UNC13C: variants seen among roughly 807,000 people sequenced by gnomAD.
UNC13C encodes unc-13 homolog C.
A neutral mutation model predicts 245.4 loss-of-function variants in UNC13C; 174 were observed. That is an observed-to-expected ratio of 0.71 (90% CI 0.63 to 0.80). The LOEUF is 0.80. UNC13C is among the 30% of genes least tolerant of loss of function. The pLI, the probability that UNC13C is intolerant of heterozygous loss-of-function variation, is 0.00. For synonymous variants in UNC13C, 992 were observed against 895.1 expected (o/e 1.11, Z -1.93); for missense variants, 2,829 against 2,602.9 (o/e 1.09, Z -1.89).
the UNC13C span, among the ~76,000 whole-genome samples, chr15:53,918,006 G>A: frequency 1.3e-5 from 2 of 152,150 alleles, no homozygotes; most frequent in Non-Finnish European, 2.9e-5. Flanking sequence ...CGGGCACGGG[G>A]GGTAGCAGTT....
At chr15:54,064,970 T>G (rs180741138) in intron 2 of UNC13C, among the ~76,000 whole-genome samples, 2 of 152,372 alleles carry the variant, frequency 1.3e-5, no homozygotes, top group Admixed American at 6.5e-5. Flanking sequence ...TTCTAGCTGA[T>G]GAATATTACT....
At chr15:53,961,900 A>C in the UNC13C span, among the ~76,000 whole-genome samples, 1 of 152,232 alleles carries the variant, frequency 6.6e-6, no homozygotes. Context: ...AAAAGAAGGC[A>C]GAGAAATTAC....
Position 54,088,201 on chromosome 15 carries a change from CTTTTTTTTT to C in UNC13C, c.2984-54799_2984-54791del, listed in dbSNP as rs59075201. On this transcript the variant is annotated intron_variant, in intron 2 of 32. Coordinates refer to ENST00000260323, the MANE Select transcript of UNC13C (RefSeq NM_001080534.3). Reference sequence around the variant, plus strand: ...AGAAGCAGCCATGGGCTTCCTTTTCCTTTTTTTTTTTTTTTTTTTTTTTTTTACCCCCTC... The same window carrying C: ...AGAAGCAGCCATGGGCTTCCTTTTCCTTTTTTTTTTTTTTTTTACCCCCTC... Among the ~76,000 whole-genome samples the C allele has an allele frequency of 5.6e-3, 587 of 103,932 alleles. 7 individuals are homozygous for C. The highest frequency in any genetic ancestry group is 0.019 in the African/African-American group (523 of 27,470). 68.2% of individuals were successfully genotyped at this position (103,932 alleles called of 152,430 possible).
At chr15:54,570,493 T>G (rs62023987) in intron 30 of UNC13C, among the ~76,000 whole-genome samples, 8,342 of 152,240 alleles carry the variant, frequency 0.055, 359 homozygotes, top group Admixed American at 0.13. Context: ...GGAGGGACAA[T>G]GCTATGGCTT....
In UNC13C at chr15:54,418,839, T is replaced by C. The variant is rs144068145; in HGVS notation, c.4933+3772T>C. The stretch of plus-strand genomic sequence containing the variant: ...ATTCTTGCCTCCTTTCATCTTTACA[T>C]TGAAGGAAAGCATCAGTGTTAATAC... On this transcript the variant is annotated intron_variant, in intron 19 of 32. Transcript: ENST00000260323. Among the ~76,000 whole-genome samples the C allele has an allele frequency of 1.9e-3, 287 of 152,272 alleles. 1 individual carries two copies. The highest frequency in any genetic ancestry group is 3.7e-3 in the Non-Finnish European group (251 of 68,016).
At chr15:54,223,651 T>C (rs1261921728) in intron 4 of UNC13C, among the ~76,000 whole-genome samples, 1 of 152,078 alleles carries the variant, frequency 6.6e-6, no homozygotes, top group Non-Finnish European at 1.5e-5. Context: ...TTAGGATTTT[T>C]TATTCTTTTT....
intron 8 of UNC13C, among the ~76,000 whole-genome samples, chr15:54,252,920 A>G (rs968793991): frequency 6.6e-6 from 1 of 152,208 alleles, no homozygotes; most frequent in African/African-American, 2.4e-5. Context: ...TAAGCCAAGG[A>G]GTCTTTCCTT....
chr15:54,297,589 A>G (rs1436646489), intron 11 of UNC13C, among the ~76,000 whole-genome samples: 3 of 152,198 alleles, frequency 2.0e-5, no homozygotes, highest in African/African-American at 7.2e-5. Flanking sequence ...CCTAGCATTA[A>G]GTGGTCCTCC....
chr15:54,475,689 T>G (rs1418983427), intron 19 of UNC13C, among the ~76,000 whole-genome samples: 1 of 146,180 alleles, frequency 6.8e-6, no homozygotes, highest in Non-Finnish European at 1.5e-5. Flanking sequence ...TGCCACATTT[T>G]CTTAATCCAG....
At chr15:54,329,304 T>C (rs2038380164) in intron 14 of UNC13C, among the ~76,000 whole-genome samples, 1 of 152,018 alleles carries the variant, frequency 6.6e-6, no homozygotes, top group Non-Finnish European at 1.5e-5. Context: ...TCCACTCTTT[T>C]AGTTATTTTG....
chr15:53,857,608 G>C, the UNC13C span, among the ~76,000 whole-genome samples: 13 of 152,148 alleles, frequency 8.5e-5, no homozygotes. Context: ...GACCCTAAGT[G>C]ACCTCTGTGT....
chr15:54,492,074 C>CAT (rs1299234942), intron 19 of UNC13C, among the ~76,000 whole-genome samples: 5 of 151,576 alleles, frequency 3.3e-5, no homozygotes, highest in African/African-American at 1.2e-4. Flanking sequence ...TTTTTCTACT[C>CAT]ATATATTTTC....
chr15:54,291,775 G>T (rs982825069), intron 10 of UNC13C, among the ~76,000 whole-genome samples: 5 of 151,940 alleles, frequency 3.3e-5, no homozygotes, highest in South Asian at 2.1e-4. Flanking sequence ...TCACTTTTAT[G>T]TAAAATAATT....
At chr15:54,538,121 T>TA (rs1390307497) in intron 26 of UNC13C, among the ~76,000 whole-genome samples, 1 of 16,538 alleles carries the variant, frequency 6.0e-5, no homozygotes, top group Non-Finnish European at 1.4e-4. Flanking sequence ...GGAGCTTAAA[T>TA]ACATTAACAA....
chr15:54,178,366 A>G (rs565704431), intron 4 of UNC13C, among the ~76,000 whole-genome samples: 5 of 152,224 alleles, frequency 3.3e-5, no homozygotes, highest in African/African-American at 1.2e-4. Flanking sequence ...TGGTTTTCTT[A>G]TGAATAGCTT....
intron 4 of UNC13C, among the ~76,000 whole-genome samples, chr15:54,233,115 C>A (rs1343441177): frequency 6.6e-6 from 1 of 152,088 alleles, no homozygotes; most frequent in African/African-American, 2.4e-5. Context: ...ACCAATGATT[C>A]TTTCTTGTGA....
chr15:54,183,421 A>T (rs1374900893), intron 4 of UNC13C, among the ~76,000 whole-genome samples: 2 of 151,546 alleles, frequency 1.3e-5, no homozygotes, highest in African/African-American at 4.8e-5. Context: ...ACCAGCAAAT[A>T]GCAACTTGTC....
chr15:54,209,383 G>C (rs772597220), intron 4 of UNC13C, among the ~76,000 whole-genome samples: 1 of 151,724 alleles, frequency 6.6e-6, no homozygotes, highest in African/African-American at 2.4e-5. Context: ...ATCCTGAACT[G>C]ACCCTTTACA....
At chr15:54,270,498 G>A (rs77851532) in intron 10 of UNC13C, among the ~76,000 whole-genome samples, 8,500 of 152,014 alleles carry the variant, frequency 0.056, 526 homozygotes, top group East Asian at 0.22. Context: ...CATAGAACTT[G>A]TTAAGTGTTA....
Sources: gnomAD v4.1 joint callset for allele counts (sites outside exome capture counted in the v4.1 genomes callset) on GRCh38, gnomAD v4.1.1 for gene constraint, MANE v1.5 for transcripts, NCBI Gene and HGNC (gene_info 2026-07-23, HGNC 2026-07-21) for gene names.